Variants in HMGN5 observed in about 807,000 individuals in gnomAD.
HMGN5 encodes high mobility group nucleosome binding domain 5, also known as high mobility group nucleosome-binding domain-containing protein 5.
HMGN5 carries 4 observed loss-of-function variants against 9.5 expected under a neutral mutation model. The observed-to-expected ratio is 0.42, with a 90% confidence interval of 0.21 to 0.96. The LOEUF (loss-of-function observed/expected upper bound fraction) is 0.96, where lower values mean the gene tolerates loss of function less well. Ranked by LOEUF, HMGN5 falls within the 40% of genes least tolerant of loss-of-function variation. HMGN5 has a pLI of 0.30. For missense variants in HMGN5, 192 were observed against 187.5 expected (o/e 1.02, Z -0.14); for synonymous variants, 55 against 57.1 (o/e 0.96, Z 0.16).
intron 1 of HMGN5, among the ~76,000 whole-genome samples, chrX:81,132,436 G>A (rs1463249399): frequency 9.0e-6 from 1 of 111,538 alleles, no homozygotes; most frequent in African/African-American, 3.3e-5. Context: ...AAAGCTGGAG[G>A]CATCATGCTA....
At chrX:81,183,386 A>G (rs1468435574) in intron 1 of HMGN5, among the ~76,000 whole-genome samples, 1 of 112,535 alleles carries the variant, frequency 8.9e-6, no homozygotes, top group African/African-American at 3.2e-5. Context: ...CCTGAGCCAG[A>G]CCCAGGGCCC....
intron 1 of HMGN5, among the ~76,000 whole-genome samples, chrX:81,162,711 T>C (rs1419905296): frequency 9.0e-6 from 1 of 111,281 alleles, no homozygotes; most frequent in Non-Finnish European, 1.9e-5. Flanking sequence ...TATGGAACTG[T>C]ACTCAAAAGA....
chrX:81,142,496 A>G (rs893674215), intron 1 of HMGN5, among the ~76,000 whole-genome samples: 3 of 111,873 alleles, frequency 2.7e-5, no homozygotes, highest in Non-Finnish European at 5.6e-5. Flanking sequence ...CATATTTAAT[A>G]CAGTGGAGCT....
chrX:81,161,635 T>C (rs2075397943), intron 1 of HMGN5, among the ~76,000 whole-genome samples: 1 of 110,376 alleles, frequency 9.1e-6, no homozygotes, highest in Admixed American at 9.7e-5. Flanking sequence ...AAGAGAGTGA[T>C]AGAAAAAAGC....
chrX:81,198,171 A>G (rs920386135), intron 1 of HMGN5, among the ~76,000 whole-genome samples: 4 of 111,911 alleles, frequency 3.6e-5, no homozygotes, highest in Non-Finnish European at 7.5e-5. Context: ...GTGTGGGCCT[A>G]GATTATGGTG....
intron 1 of HMGN5, among the ~76,000 whole-genome samples, chrX:81,150,291 C>T (rs188754593): frequency 1.7e-3 from 194 of 111,845 alleles, no homozygotes; most frequent in Non-Finnish European, 3.0e-3. Flanking sequence ...GTGCTGGGTG[C>T]GGTGGCTCAC....
intron 1 of HMGN5, among the ~76,000 whole-genome samples, chrX:81,146,485 C>G (rs2075344057): frequency 9.0e-6 from 1 of 111,569 alleles, no homozygotes; most frequent in African/African-American, 3.3e-5. Context: ...ATCTCTGGGA[C>G]ACATTTAAAG....
chrX:81,126,247 G>T (rs2075283185), intron 1 of HMGN5, among the ~76,000 whole-genome samples: 1 of 107,391 alleles, frequency 9.3e-6, no homozygotes, highest in Non-Finnish European at 1.9e-5. Context: ...AGTTTATACA[G>T]AAATGTTAAT....
At chrX:81,197,097 T>C (rs778050135) in intron 1 of HMGN5, among the ~76,000 whole-genome samples, 5 of 112,295 alleles carry the variant, frequency 4.5e-5, no homozygotes, top group Non-Finnish European at 9.4e-5. Flanking sequence ...AACATAAAAA[T>C]GCAAATGTAC....
At chrX:81,179,641 A>G (rs1038529572) in intron 1 of HMGN5, among the ~76,000 whole-genome samples, 5 of 111,981 alleles carry the variant, frequency 4.5e-5, no homozygotes, top group African/African-American at 1.6e-4. Flanking sequence ...GATAATTTAT[A>G]GATTCAATGC....
intron 1 of HMGN5, among the ~76,000 whole-genome samples, chrX:81,170,126 G>C (rs2075421941): frequency 1.8e-5 from 2 of 108,323 alleles, no homozygotes; most frequent in South Asian, 8.1e-4. Flanking sequence ...TCAGTAGTGA[G>C]AGATATCTTA....
intron 3 of HMGN5, among the ~76,000 whole-genome samples, 175 bp downstream of exon 3, chrX:81,119,612 TA>T (rs1246336533): frequency 8.9e-6 from 1 of 112,356 alleles, no homozygotes. Flanking sequence ...ATGGCAATTT[TA>T]AAAAGTCCTC....
intron 1 of HMGN5, among the ~76,000 whole-genome samples, chrX:81,150,969 G>GT (rs2075360344): frequency 9.0e-6 from 1 of 111,728 alleles, no homozygotes; most frequent in Admixed American, 9.5e-5. Context: ...AATTGAAGCC[G>GT]TAAGAAAAAG....
At chrX:81,145,928 G>A (rs763661668) in intron 1 of HMGN5, among the ~76,000 whole-genome samples, 1 of 111,572 alleles carries the variant, frequency 9.0e-6, no homozygotes, top group East Asian at 2.8e-4. Context: ...GTGGTAAAGG[G>A]ATAAATGCAA....
chrX:81,133,188 C>T (rs187630379), intron 1 of HMGN5, among the ~76,000 whole-genome samples: 36 of 109,606 alleles, frequency 3.3e-4, no homozygotes, highest in South Asian at 1.5e-3. Context: ...ACAATTATTA[C>T]GAAATCAAAA....
chrX:81,179,847 A>T (rs1035977268), intron 1 of HMGN5, among the ~76,000 whole-genome samples: 2 of 111,762 alleles, frequency 1.8e-5, no homozygotes, highest in Admixed American at 9.5e-5. Flanking sequence ...ACTGGCACCA[A>T]AGCAGATATA....
Position 81,151,975 on chromosome X carries a change from C to A in HMGN5, c.-123-30303G>T, listed in dbSNP as rs1165623323. ...GCTGAAACTGGATCCCTTCCTTACA[C>A]CTTATACAAAAATCAATTCAAGATG... On this transcript the variant is annotated intron_variant, in intron 1 of 6. Coordinates refer to ENST00000358130, the MANE Select transcript of HMGN5 (RefSeq NM_030763.3). 5.4e-5 allele frequency among the ~76,000 whole-genome samples: 6 copies of A among 111,542 alleles called. No individual in the cohort carries two copies. The East Asian group carries it at 1.1e-3, about 21-fold the overall frequency.
chrX:81,136,259 T>C (rs1444218277), intron 1 of HMGN5, among the ~76,000 whole-genome samples: 1 of 112,341 alleles, frequency 8.9e-6, no homozygotes, highest in African/African-American at 3.2e-5. Flanking sequence ...CTGTATGATT[T>C]CTTACTAAAG....
At chrX:81,189,771 G>T (rs1489178749) in intron 1 of HMGN5, among the ~76,000 whole-genome samples, 1 of 111,924 alleles carries the variant, frequency 8.9e-6, no homozygotes, top group Non-Finnish European at 1.9e-5. Flanking sequence ...GGGTAATATG[G>T]TATGAGTATG....
Sources: gnomAD v4.1 joint callset for allele counts (sites outside exome capture counted in the v4.1 genomes callset) on GRCh38, gnomAD v4.1.1 for gene constraint, MANE v1.5 for transcripts, NCBI Gene and HGNC (gene_info 2026-07-23, HGNC 2026-07-21) for gene names.